PIWIL2: variants seen among roughly 807,000 people sequenced by gnomAD.
The protein encoded by PIWIL2 is piwi-like protein 2.
A neutral mutation model predicts 116.5 loss-of-function variants in PIWIL2; 81 were observed. The observed-to-expected ratio is 0.70, with a 90% CI of 0.58 to 0.84. The LOEUF (loss-of-function observed/expected upper bound fraction) is 0.84, where lower values mean the gene tolerates loss of function less well. Among genes scored for constraint, PIWIL2 ranks in the 40% least tolerant of loss-of-function variants. PIWIL2 has a pLI of 0.00. For synonymous variants in PIWIL2, 489 were observed against 429.5 expected (o/e 1.14, Z -1.71); for missense variants, 1,272 against 1,212.3 (o/e 1.05, Z -0.73).
At chr8:22,303,203 A>G (rs941567031) in intron 10 of PIWIL2, among the ~76,000 whole-genome samples, 2 of 152,178 alleles carry the variant, frequency 1.3e-5, no homozygotes, top group Admixed American at 6.5e-5. Flanking sequence ...GTGGTAACCT[A>G]TAGATGTGAG....
At chr8:22,302,217 C>G (rs146635318) in intron 10 of PIWIL2, among the ~76,000 whole-genome samples, 53 of 152,088 alleles carry the variant, frequency 3.5e-4, no homozygotes, top group African/African-American at 1.2e-3. Context: ...GGGTCTCGCT[C>G]TGTCACCAGG....
chr8:22,310,730 C>G (rs1831308343), intron 15 of PIWIL2, among the ~76,000 whole-genome samples: 1 of 152,100 alleles, frequency 6.6e-6, no homozygotes, highest in African/African-American at 2.4e-5. Flanking sequence ...TATCCCTTAC[C>G]CCTCACACAC....
chr8:22,277,418 G>C (rs1241905744), intron 1 of PIWIL2, among the ~76,000 whole-genome samples: 2 of 152,236 alleles, frequency 1.3e-5, no homozygotes, highest in Non-Finnish European at 2.9e-5. Flanking sequence ...GGAGAGAGAA[G>C]GGTGTTAAAT....
At chr8:22,328,233 A>G (rs756606032) in intron 20 of PIWIL2, among the ~76,000 whole-genome samples, 14 of 152,264 alleles carry the variant, frequency 9.2e-5, no homozygotes, top group South Asian at 2.1e-4. Context: ...TTGAAAATCA[A>G]TTGTCATGGA....
intron 11 of PIWIL2, among the ~76,000 whole-genome samples, chr8:22,304,439 C>T (rs1372222888): frequency 6.6e-6 from 1 of 152,102 alleles, no homozygotes; most frequent in Non-Finnish European, 1.5e-5. Flanking sequence ...AAATTAAGGG[C>T]TTTGAATTGT....
At chr8:22,344,096 C>T (rs1480516510) in intron 20 of PIWIL2, among the ~76,000 whole-genome samples, 1 of 152,148 alleles carries the variant, frequency 6.6e-6, no homozygotes, top group Non-Finnish European at 1.5e-5. Flanking sequence ...ATCTTAAATA[C>T]ATATTGCTCA....
At chr8:22,334,825 G>A (rs1037768329) in intron 20 of PIWIL2, among the ~76,000 whole-genome samples, 4 of 152,122 alleles carry the variant, frequency 2.6e-5, no homozygotes, top group African/African-American at 9.7e-5. Context: ...GGGAGGCCAA[G>A]GCAGGCAGAT....
chr8:22,295,181 G>A (rs758022750), intron 10 of PIWIL2, among the ~76,000 whole-genome samples: 39 of 150,162 alleles, frequency 2.6e-4, no homozygotes, highest in Non-Finnish European at 5.0e-4. Context: ...TCCTTTCTTC[G>A]AGACAAGGTC....
At chr8:22,353,700 A>G (rs1489880219) in intron 21 of PIWIL2, among the ~76,000 whole-genome samples, 3 of 147,740 alleles carry the variant, frequency 2.0e-5, no homozygotes, top group South Asian at 4.4e-4. Flanking sequence ...AAAGTTGAAC[A>G]TACCTTGTTT....
At chr8:22,305,874 G>C in intron 12 of PIWIL2, 53 bp from the exon 13 acceptor site, 2 of 1,317,664 alleles carry the variant, frequency 1.5e-6, no homozygotes, top group South Asian at 2.4e-5. Flanking sequence ...GTATGGTCGG[G>C]AACATGAGCC....
intron 10 of PIWIL2, among the ~76,000 whole-genome samples, chr8:22,299,208 C>CT (rs961849064): frequency 2.7e-5 from 4 of 149,256 alleles, no homozygotes; most frequent in African/African-American, 4.9e-5. Context: ...GATCTTTTTT[C>CT]TTTTTTTTCT....
intron 20 of PIWIL2, among the ~76,000 whole-genome samples, chr8:22,344,130 G>A (rs1033605831): frequency 1.3e-5 from 2 of 152,146 alleles, no homozygotes; most frequent in Non-Finnish European, 2.9e-5. Flanking sequence ...ATCTGAAAAG[G>A]CTTTATATGA....
At chr8:22,281,608 CAT>C (rs1830504343) in intron 4 of PIWIL2, 93 bp downstream of exon 4, 2 of 1,043,032 alleles carry the variant, frequency 1.9e-6, no homozygotes, top group Non-Finnish European at 2.7e-6. Context: ...TGTGTCATCT[CAT>C]AATCAATGTC....
At chr8:22,327,174 G>T (rs1033744161) in intron 20 of PIWIL2, among the ~76,000 whole-genome samples, 1 of 150,934 alleles carries the variant, frequency 6.6e-6, no homozygotes, top group African/African-American at 2.4e-5. Flanking sequence ...GATTCCAGGT[G>T]CACGCCACCA....
chr8:22,298,546 G>A (rs543153647), intron 10 of PIWIL2, among the ~76,000 whole-genome samples: 146 of 152,340 alleles, frequency 9.6e-4, no homozygotes, highest in African/African-American at 3.2e-3. Context: ...CTTGACAGCA[G>A]ATCTGAAGAA....
chr8:22,316,133 T>C, intron 18 of PIWIL2, 112 bp from the exon 19 acceptor site: 1 of 637,288 alleles, frequency 1.6e-6, no homozygotes, highest in South Asian at 1.8e-5. Flanking sequence ...GAACTTACTT[T>C]CATGTATAAA....
At chr8:22,339,576 A>C (rs1832059751) in intron 20 of PIWIL2, among the ~76,000 whole-genome samples, 1 of 152,212 alleles carries the variant, frequency 6.6e-6, no homozygotes, top group African/African-American at 2.4e-5. Context: ...TATTAATATT[A>C]GGCACCAGTT....
intron 11 of PIWIL2, 126 bp downstream of exon 11, chr8:22,304,335 G>A: frequency 1.5e-6 from 1 of 657,920 alleles, no homozygotes; most frequent in Non-Finnish European, 2.7e-6. Flanking sequence ...AATTGGTAAT[G>A]TGTCTAACAC....
At chr8:22,296,995 T>A (rs1397970586) in intron 10 of PIWIL2, among the ~76,000 whole-genome samples, 3 of 152,206 alleles carry the variant, frequency 2.0e-5, no homozygotes, top group Non-Finnish European at 4.4e-5. Context: ...CTTTTTTTTT[T>A]ATTTTTATTT....
Sources: allele counts gnomAD v4.1 joint callset (sites outside exome capture counted in the v4.1 genomes callset), GRCh38; gene constraint gnomAD v4.1.1; transcripts MANE v1.5; gene names NCBI Gene and HGNC (gene_info 2026-07-23, HGNC 2026-07-21).